Variants in B9D1 observed in about 807,000 individuals in gnomAD.
B9D1 encodes the protein B9 domain containing 1, also known as B9 domain-containing protein 1.
A neutral mutation model predicts 26.1 loss-of-function variants in B9D1; 20 were observed. That is an observed-to-expected ratio of 0.77 (90% CI 0.54 to 1.12). B9D1 has a LOEUF of 1.12. Ranked by LOEUF, B9D1 falls within the 50% of genes most tolerant of loss-of-function variation. The pLI is 0.00. For missense variants in B9D1, 260 were observed against 273.7 expected (o/e 0.95, Z 0.35); for synonymous variants, 105 against 103.1 (o/e 1.02, Z -0.11).
At chr17:19,335,347 C>T, downstream of B9D1, 1 of 1,507,512 alleles carries the variant, frequency 6.6e-7, no homozygotes, top group Non-Finnish European at 9.0e-7. Flanking sequence ...AGAAAAAAAT[C>T]TAATGTATGA....
intron 3 of B9D1, among the ~76,000 whole-genome samples, chr17:19,351,499 T>G (rs1316519258): frequency 6.6e-6 from 1 of 152,216 alleles, no homozygotes; most frequent in East Asian, 1.9e-4. Context: ...TATGCTGACC[T>G]AAAAAAGCTG....
At chr17:19,346,897 T>G (rs1047979315) in intron 5 of B9D1, 9 of 1,426,966 alleles carry the variant, frequency 6.3e-6, no homozygotes, top group Non-Finnish European at 8.2e-6. Flanking sequence ...CTCCCACATG[T>G]AAAGGCATTT....
At chr17:19,371,738 T>C (rs951117963) in intron 1 of B9D1, 1 of 152,250 alleles carries the variant, frequency 6.6e-6, no homozygotes, top group South Asian at 2.1e-4. Context: ...AGCGGGTAGA[T>C]GGCCCCTGGA....
intron 1 of B9D1, among the ~76,000 whole-genome samples, chr17:19,376,912 T>G (rs780378906): frequency 6.6e-6 from 1 of 152,194 alleles, no homozygotes; most frequent in Non-Finnish European, 1.5e-5. Context: ...TAATAACTCT[T>G]GTAACCAACT....
intron 1 of B9D1, 44 bp downstream of exon 1, chr17:19,362,463 G>C (rs985529436): frequency 3.4e-6 from 5 of 1,476,590 alleles, no homozygotes; most frequent in Admixed American, 2.1e-5. Context: ...AGGGCCCCGG[G>C]GGACGCTGGG....
intron 3 of B9D1, among the ~76,000 whole-genome samples, chr17:19,353,085 C>T (rs959195194): frequency 4.0e-5 from 6 of 151,478 alleles, no homozygotes; most frequent in African/African-American, 1.2e-4. Context: ...AAGCGATTCC[C>T]CTGCCTCACC....
At chr17:19,368,178 A>T (rs1411994088) in intron 1 of B9D1, among the ~76,000 whole-genome samples, 1 of 152,224 alleles carries the variant, frequency 6.6e-6, no homozygotes, top group African/African-American at 2.4e-5. Flanking sequence ...CTCAACTTGC[A>T]GTGTGAGCCC....
At chr17:19,349,541 A>T (rs1909312992) in intron 3 of B9D1, among the ~76,000 whole-genome samples, 1 of 151,800 alleles carries the variant, frequency 6.6e-6, no homozygotes, top group Admixed American at 6.6e-5. Flanking sequence ...GTGTGCTGCC[A>T]TGCCTAATTT....
chr17:19,368,555 G>A (rs1788371768), intron 1 of B9D1, among the ~76,000 whole-genome samples: 1 of 152,160 alleles, frequency 6.6e-6, no homozygotes, highest in South Asian at 2.1e-4. Flanking sequence ...GGTCTCCACA[G>A]TGAAGATGAT....
chr17:19,374,460 A>G (rs1293465894), intron 1 of B9D1, among the ~76,000 whole-genome samples: 1 of 152,256 alleles, frequency 6.6e-6, no homozygotes, highest in East Asian at 1.9e-4. Context: ...CTAAATCAGT[A>G]TAATCTCTAA....
chr17:19,347,039 A>C lies in B9D1; in HGVS notation c.404+230T>G. The stretch of plus-strand genomic sequence containing the variant: ...TTTTTCCTCTGCTCCCTCAGACACA[A>C]AGATTTTTCACAGGGCACAGGGTAA... On this transcript the variant is annotated intron_variant, in intron 5 of 6. Coordinates refer to ENST00000261499, the MANE Select transcript of B9D1 (RefSeq NM_015681.6). The surrounding 1 kb of genome is among the most constrained non-coding windows in gnomAD (Gnocchi z 4.3). 1 of 1,548,002 alleles carries C rather than the reference A, an allele frequency of 6.5e-7. No homozygotes were observed. The highest frequency in any genetic ancestry group is 8.7e-7 in the Non-Finnish European group (1 of 1,146,446).
At chr17:19,362,753 GGGGGCGGGGCACAA>G (rs1383496108), upstream of B9D1, 6 of 1,506,742 alleles carry the variant, frequency 4.0e-6, no homozygotes, top group South Asian at 4.8e-5. Flanking sequence ...GCCGTTATAA[GGGGGCGGGGCACAA>G]GGGGCGGGGA....
chr17:19,341,753 TG>T (rs534722597), downstream of B9D1, among the ~76,000 whole-genome samples: 152 of 152,326 alleles, frequency 1.0e-3, no homozygotes, highest in Admixed American at 2.2e-3. Flanking sequence ...AAGGAACAGC[TG>T]GCTGTCACCA....
exon 1 of B9D1, chr17:19,377,861 A>T: frequency 1.0e-6 from 1 of 985,394 alleles, no homozygotes; most frequent in Non-Finnish European, 1.2e-6. Flanking sequence ...GAAGATACCT[A>T]GAAGCCAGGA....
At chr17:19,344,584 C>T (rs891538323) in intron 5 of B9D1, 6 of 225,320 alleles carry the variant, frequency 2.7e-5, no homozygotes, top group African/African-American at 9.5e-5. Flanking sequence ...CCGCGGGCTT[C>T]GCCCCGCCGG....
At chr17:19,349,095 G>C (rs534216836) in intron 3 of B9D1, among the ~76,000 whole-genome samples, 1 of 152,272 alleles carries the variant, frequency 6.6e-6, no homozygotes, top group South Asian at 2.1e-4. Flanking sequence ...CTGCCAGCAT[G>C]GTCCTATCAG....
rs545884571 is a variant in B9D1, at chr17:19,343,917, C to T, written c.405-60G>A. The T allele has an allele frequency of 6.8e-5, 110 of 1,610,102 alleles. No individual in the cohort carries two copies. In the South Asian group the frequency reaches 8.5e-4, roughly 12 times the overall value. ...CCACCTGGGCATTCCTGGTCTTGGA[C>T]GACACTGGATGTGGGCTCTCCTCGG... On this transcript the variant is annotated intron_variant, in intron 5 of 6. Transcript: ENST00000261499.
At chr17:19,362,862 C>T, upstream of B9D1, 1 of 647,098 alleles carries the variant, frequency 1.5e-6, no homozygotes, top group Non-Finnish European at 2.5e-6. Flanking sequence ...AAAGCCAGCC[C>T]TACCGCTCGA....
intron 1 of B9D1, 91 bp from the exon 2 acceptor site, chr17:19,360,479 C>T (rs989896315): frequency 3.1e-5 from 35 of 1,124,050 alleles, no homozygotes; most frequent in Non-Finnish European, 3.9e-5. Context: ...GAATTCTGAA[C>T]GTGAGACACC....
Sources: gnomAD v4.1 joint callset for allele counts (sites outside exome capture counted in the v4.1 genomes callset) on GRCh38, gnomAD v4.1.1 for gene constraint, Gnocchi (gnomAD v3.1) non-coding constraint, MANE v1.5 for transcripts, NCBI Gene and HGNC (gene_info 2026-07-23, HGNC 2026-07-21) for gene names.